The following NKAIN2 variants were observed in gnomAD, a reference collection of about 807,000 sequenced individuals.
The protein encoded by NKAIN2 is sodium/potassium transporting ATPase interacting 2.
In NKAIN2, 14 loss-of-function variants were observed where a neutral mutation model predicts 32.6. That is an observed-to-expected ratio of 0.43 (90% CI 0.28 to 0.67). The LOEUF (loss-of-function observed/expected upper bound fraction) is 0.67. NKAIN2 is among the 30% of genes least tolerant of loss of function. The pLI is 0.17. For missense variants in NKAIN2, 198 were observed against 258.3 expected (o/e 0.77, Z 1.60); for synonymous variants, 80 against 87.2 (o/e 0.92, Z 0.46).
chr6:124,214,522 G>A (rs1489990713), intron 1 of NKAIN2, among the ~76,000 whole-genome samples: 1 of 152,054 alleles, frequency 6.6e-6, no homozygotes, highest in African/African-American at 2.4e-5. Flanking sequence ...GCCAAGGAGG[G>A]CAGATCACTT....
intron 1 of NKAIN2, among the ~76,000 whole-genome samples, chr6:124,186,479 T>C (rs1228240419): frequency 2.6e-5 from 4 of 151,930 alleles, no homozygotes; most frequent in Non-Finnish European, 4.4e-5. Context: ...CAGTGAACCT[T>C]GAGAGAATAT....
Position 124,373,438 on chromosome 6 carries a change from G to T in NKAIN2, c.273+18091G>T, listed in dbSNP as rs74464644. Among the ~76,000 whole-genome samples the T allele has an allele frequency of 5.3e-3, 801 of 152,268 alleles. 7 individuals carry two copies. The highest frequency in any genetic ancestry group is 0.018 in the African/African-American group (745 of 41,560). On this transcript the variant is annotated intron_variant, in intron 3 of 6. Coordinates refer to ENST00000368417, the MANE Select transcript of NKAIN2 (RefSeq NM_001040214.3). ...CTCAAGCAGTGTTGTCAAGCAGGGT[G>T]TAGGGTGTGTCAGTCTTTAATTCAG...
At chr6:124,327,509 G>C (rs1382723868) in intron 2 of NKAIN2, among the ~76,000 whole-genome samples, 1 of 151,850 alleles carries the variant, frequency 6.6e-6, no homozygotes, top group African/African-American at 2.4e-5. Context: ...GCTACCTAAG[G>C]CATCTAATAG....
chr6:123,931,698 A>G (rs552636073), intron 1 of NKAIN2, among the ~76,000 whole-genome samples: 4 of 152,230 alleles, frequency 2.6e-5, no homozygotes, highest in East Asian at 1.9e-4. Flanking sequence ...TAGGTAGTCT[A>G]TGAAAATAAT....
chr6:124,470,287 C>T (rs889607709), intron 3 of NKAIN2, among the ~76,000 whole-genome samples: 1 of 151,962 alleles, frequency 6.6e-6, no homozygotes, highest in Non-Finnish European at 1.5e-5. Flanking sequence ...GCTGTGGAAG[C>T]CTCATAAGGG....
At chr6:124,632,169 T>G (rs765716354) in intron 3 of NKAIN2, among the ~76,000 whole-genome samples, 5 of 152,208 alleles carry the variant, frequency 3.3e-5, no homozygotes, top group Non-Finnish European at 7.3e-5. Context: ...ACACACATCT[T>G]AATTAAAATT....
intron 1 of NKAIN2, among the ~76,000 whole-genome samples, chr6:124,194,478 A>G (rs1790209232): frequency 1.3e-5 from 2 of 151,962 alleles, no homozygotes; most frequent in Admixed American, 6.6e-5. Flanking sequence ...ATGTTGATAC[A>G]TTTATATTTA....
At chr6:124,696,310 C>T (rs1462670009) in intron 4 of NKAIN2, among the ~76,000 whole-genome samples, 2 of 152,048 alleles carry the variant, frequency 1.3e-5, no homozygotes, top group Non-Finnish European at 1.5e-5. Context: ...AGAGAGTTTG[C>T]TTCTGAGGCT....
chr6:124,412,706 G>A (rs532828270), intron 3 of NKAIN2, among the ~76,000 whole-genome samples: 1 of 152,332 alleles, frequency 6.6e-6, no homozygotes, highest in Non-Finnish European at 1.5e-5. Context: ...AAAGCTGTCA[G>A]ACAGGGACAT....
intron 3 of NKAIN2, among the ~76,000 whole-genome samples, chr6:124,620,086 T>C (rs1459782983): frequency 6.7e-6 from 1 of 149,712 alleles, no homozygotes; most frequent in African/African-American, 2.5e-5. Context: ...GTCCTTTCCC[T>C]TTGATGTAAC....
At chr6:124,776,744 G>C (rs1020625944) in intron 4 of NKAIN2, among the ~76,000 whole-genome samples, 2 of 152,008 alleles carry the variant, frequency 1.3e-5, no homozygotes, top group Non-Finnish European at 2.9e-5. Flanking sequence ...AGAGATAAAA[G>C]TATGGTTTCC....
At chr6:124,713,205 AAAGT>A (rs1775587609) in intron 4 of NKAIN2, among the ~76,000 whole-genome samples, 1 of 152,210 alleles carries the variant, frequency 6.6e-6, no homozygotes, top group Admixed American at 6.5e-5. Flanking sequence ...ATAGATGAAT[AAAGT>A]AAGACTCAAC....
chr6:124,112,033 T>C (rs1244908768), intron 1 of NKAIN2, among the ~76,000 whole-genome samples: 2 of 152,158 alleles, frequency 1.3e-5, no homozygotes, highest in African/African-American at 2.4e-5. Context: ...TTTGTATCTT[T>C]ATAGTTTTCA....
intron 3 of NKAIN2, among the ~76,000 whole-genome samples, chr6:124,608,965 C>T (rs1782593579): frequency 1.3e-5 from 2 of 152,152 alleles, no homozygotes; most frequent in Admixed American, 1.3e-4. Flanking sequence ...GGTGTATACA[C>T]ATAATGGCTG....
chr6:124,276,215 C>A (rs578113988), intron 1 of NKAIN2, among the ~76,000 whole-genome samples: 1 of 151,616 alleles, frequency 6.6e-6, no homozygotes, highest in African/African-American at 2.4e-5. Flanking sequence ...AAAAGGCAGA[C>A]AATTCTTAGT....
intron 5 of NKAIN2, among the ~76,000 whole-genome samples, chr6:124,798,605 C>A (rs1233164082): frequency 6.6e-6 from 1 of 152,080 alleles, no homozygotes; most frequent in African/African-American, 2.4e-5. Context: ...TTCCCATTCC[C>A]CCCTCTGCCC....
chr6:124,650,838 A>T (rs1030649454), intron 3 of NKAIN2, among the ~76,000 whole-genome samples: 1 of 152,218 alleles, frequency 6.6e-6, no homozygotes, highest in Non-Finnish European at 1.5e-5. Context: ...GATTTCAATA[A>T]CACCAATGTC....
intron 1 of NKAIN2, among the ~76,000 whole-genome samples, chr6:124,249,635 A>T (rs1263037210): frequency 6.6e-6 from 1 of 151,976 alleles, no homozygotes; most frequent in Non-Finnish European, 1.5e-5. Flanking sequence ...ACACACACAC[A>T]CGCACAACAA....
intron 4 of NKAIN2, among the ~76,000 whole-genome samples, chr6:124,715,836 A>G (rs966208736): frequency 2.0e-4 from 30 of 152,348 alleles, no homozygotes; most frequent in African/African-American, 7.2e-4. Flanking sequence ...GATTCTGGCT[A>G]AAGCGAATGC....
Sources: allele counts gnomAD v4.1 joint callset (sites outside exome capture counted in the v4.1 genomes callset), GRCh38; gene constraint gnomAD v4.1.1; transcripts MANE v1.5; gene names NCBI Gene and HGNC (gene_info 2026-07-23, HGNC 2026-07-21).